The following SOX6 variants were observed in gnomAD, a reference collection of about 807,000 sequenced individuals.
SOX6 encodes SRY-box transcription factor 6.
Under a neutral mutation model 97.8 loss-of-function variants are expected in SOX6, and 11 were observed. The ratio of observed to expected loss-of-function variants is 0.11; its 90% confidence interval spans 0.07 to 0.19. The LOEUF (loss-of-function observed/expected upper bound fraction) is 0.19. SOX6 is among the 10% of genes least tolerant of loss of function. The pLI, the probability that SOX6 is intolerant of heterozygous loss-of-function variation, is 1.00. For missense variants in SOX6, 810 were observed against 1,039.5 expected, an observed-to-expected ratio of 0.78 and a Z score of 3.04; for synonymous variants, 360 against 371.4, an observed-to-expected ratio of 0.97 and a Z score of 0.35.
Position 16,583,627 on chromosome 11 carries a change from A to ATATGTATATATGTG in SOX6, n.609+28453_609+28454insCACATATATACATA, listed in dbSNP as rs1554976115. On this transcript the variant is annotated intron_variant and non_coding_transcript_variant, in intron 4 of 5. Coordinates refer to the SOX6 transcript ENST00000524520. ...TGTATATATATACATATATATATAT[A>ATATGTATATATGTG]TATATATATACACATACACACACCA... 5.0e-5 allele frequency among the ~76,000 whole-genome samples: 7 copies of ATATGTATATATGTG among 139,416 alleles called. 1 individual carries two copies. The highest frequency in any genetic ancestry group is 1.5e-4 in the African/African-American group (6 of 39,078). 91.5% of individuals were successfully genotyped at this position (139,416 alleles called of 152,430 possible). A position where few individuals can be genotyped will look rare whatever the true frequency, so the allele number is the denominator to read the frequency against.
At chr11:16,487,514 C>T (rs1860456357) in intron 4 of SOX6, among the ~76,000 whole-genome samples, 1 of 152,174 alleles carries the variant, frequency 6.6e-6, no homozygotes, top group Non-Finnish European at 1.5e-5. Flanking sequence ...GATTCCTATC[C>T]TTGCTGAGTT....
intron 12 of SOX6, among the ~76,000 whole-genome samples, chr11:16,038,491 G>C (rs1216299960): frequency 6.6e-6 from 1 of 152,024 alleles, no homozygotes; most frequent in Non-Finnish European, 1.5e-5. Context: ...GGGAAAGAGG[G>C]AGGAAGGGAG....
chr11:16,695,729 C>A (rs1048294212), intron 3 of SOX6, among the ~76,000 whole-genome samples: 5 of 152,046 alleles, frequency 3.3e-5, no homozygotes, highest in African/African-American at 1.2e-4. Flanking sequence ...GTGGCTCAGG[C>A]CTATACTCCA....
chr11:16,040,218 GAAGGATCTTGA>G (rs1218603231), intron 12 of SOX6, among the ~76,000 whole-genome samples: 1 of 151,940 alleles, frequency 6.6e-6, no homozygotes, highest in East Asian at 1.9e-4. Flanking sequence ...CTATCCCTAG[GAAGGATCTTGA>G]ACTTGTACAC....
chr11:16,448,095 T>C (rs574074917), intron 1 of SOX6, among the ~76,000 whole-genome samples: 20 of 152,228 alleles, frequency 1.3e-4, no homozygotes, highest in Non-Finnish European at 2.2e-4. Context: ...TTCTTGTCAC[T>C]GCAACCTATA....
At chr11:16,310,209 A>G (rs776011246) in intron 3 of SOX6, among the ~76,000 whole-genome samples, 28 of 152,122 alleles carry the variant, frequency 1.8e-4, no homozygotes, top group Non-Finnish European at 3.2e-4. Context: ...GTTGCAAAAC[A>G]TATAGCAAAT....
chr11:16,398,462 G>T (rs1858430273), intron 1 of SOX6, among the ~76,000 whole-genome samples: 1 of 151,336 alleles, frequency 6.6e-6, no homozygotes, highest in Non-Finnish European at 1.5e-5. Flanking sequence ...AGTAGTAAGG[G>T]TCTACTAGGA....
chr11:16,272,872 T>C, intron 3 of SOX6, among the ~76,000 whole-genome samples: 1 of 151,916 alleles, frequency 6.6e-6, no homozygotes. Context: ...AGCACAATGT[T>C]ATTTTGAGTA....
chr11:16,642,256 G>A (rs565121531), intron 3 of SOX6, among the ~76,000 whole-genome samples: 2 of 152,236 alleles, frequency 1.3e-5, no homozygotes, highest in South Asian at 4.1e-4. Flanking sequence ...CTGGCTTGTA[G>A]AGCTTCTGCC....
intron 3 of SOX6, among the ~76,000 whole-genome samples, chr11:16,630,042 C>T (rs1848683076): frequency 2.0e-5 from 3 of 151,962 alleles, no homozygotes; most frequent in Non-Finnish European, 4.4e-5. Flanking sequence ...ATAACCAGCT[C>T]TTAGTTTGTT....
At chr11:16,454,620 G>A (rs966730469) in intron 1 of SOX6, among the ~76,000 whole-genome samples, 10 of 152,158 alleles carry the variant, frequency 6.6e-5, no homozygotes, top group African/African-American at 2.2e-4. Context: ...GTCAAAAGGC[G>A]AGTTGGACTT....
chr11:16,287,798 C>T (rs943424320), intron 3 of SOX6, among the ~76,000 whole-genome samples: 2 of 152,074 alleles, frequency 1.3e-5, no homozygotes, highest in African/African-American at 4.8e-5. Flanking sequence ...CAAAGTCAAG[C>T]CATTACACAT....
intron 3 of SOX6, among the ~76,000 whole-genome samples, chr11:16,310,085 G>A (rs1309682096): frequency 6.6e-6 from 1 of 152,068 alleles, no homozygotes; most frequent in Non-Finnish European, 1.5e-5. Context: ...TTTTAAATCT[G>A]AGGAGATAGA....
At chr11:16,079,595 A>G (rs1298735444) in intron 9 of SOX6, among the ~76,000 whole-genome samples, 1 of 152,192 alleles carries the variant, frequency 6.6e-6, no homozygotes, top group East Asian at 1.9e-4. Context: ...TGTTTGTTAT[A>G]AATATCGAGA....
At chr11:16,573,215 TACAGTATCCCTCACTACCA>T (rs1306728061) in intron 4 of SOX6, among the ~76,000 whole-genome samples, 1 of 152,214 alleles carries the variant, frequency 6.6e-6, no homozygotes, top group Non-Finnish European at 1.5e-5. Context: ...GACCTATGTG[TACAGTATCCCTCACTACCA>T]ACAGAGATTT....
chr11:16,344,739 G>T (rs935012751), intron 1 of SOX6, among the ~76,000 whole-genome samples: 1 of 151,794 alleles, frequency 6.6e-6, no homozygotes, highest in East Asian at 1.9e-4. Context: ...TGTGGAAATG[G>T]TCAATTTCGA....
intron 6 of SOX6, among the ~76,000 whole-genome samples, chr11:16,168,961 A>T (rs555214028): frequency 3.3e-5 from 5 of 152,284 alleles, no homozygotes; most frequent in Admixed American, 3.3e-4. Flanking sequence ...TACCATGTAC[A>T]GCAGAATGTT....
chr11:16,502,249 G>A (rs958050064), intron 4 of SOX6, among the ~76,000 whole-genome samples: 4 of 152,072 alleles, frequency 2.6e-5, no homozygotes, highest in African/African-American at 9.7e-5. Flanking sequence ...ACTCATAGGT[G>A]GGAATTGAAC....
chr11:16,463,483 C>T (rs1224267112), intron 1 of SOX6, among the ~76,000 whole-genome samples: 1 of 152,140 alleles, frequency 6.6e-6, no homozygotes, highest in East Asian at 1.9e-4. Context: ...TTTAGAGAAA[C>T]CAACTGGGTA....
Sources: allele counts gnomAD v4.1 joint callset (sites outside exome capture counted in the v4.1 genomes callset), GRCh38; gene constraint gnomAD v4.1.1; transcripts MANE v1.5; gene names NCBI Gene and HGNC (gene_info 2026-07-23, HGNC 2026-07-21).